PCM1: variants seen among roughly 807,000 people sequenced by gnomAD.
The protein encoded by PCM1 is pericentriolar material 1, also known as pericentriolar material 1 protein.
Under a neutral mutation model 241.9 loss-of-function variants are expected in PCM1, and 157 were observed. The ratio of observed to expected loss-of-function variants is 0.65; its 90% CI spans 0.57 to 0.74. The LOEUF (loss-of-function observed/expected upper bound fraction) is 0.74. Ranked by LOEUF, PCM1 falls within the 30% of genes least tolerant of loss-of-function variation. PCM1 has a pLI of 0.00. For missense variants in PCM1, 3,478 were observed against 2,360.1 expected (o/e 1.47, Z -9.81); for synonymous variants, 1,085 against 784.9 (o/e 1.38, Z -6.39).
intron 7 of PCM1, among the ~76,000 whole-genome samples, chr8:17,948,293 T>C (rs2064603466): frequency 9.4e-6 from 1 of 106,602 alleles, no homozygotes. Context: ...TCAAATAACC[T>C]CTTTTTTTTT....
In PCM1 at chr8:17,966,331, C is replaced by G. The variant is rs540061861; in HGVS notation, c.3079C>G (p.Leu1027Val). The change falls in exon 20 of 39, where the codon CTA becomes GTA. Residue 1027 changes from leucine (L) to valine (V), a missense_variant. By Grantham distance (32) the Leu-to-Val change is conservative. Transcript: ENST00000325083. ...CQTLMQDQQT[L>V]SCLLQTLLTG... ...AACAAACATTTTCTTTCAATAGACT[C>G]TATCTTGTCTGCTACAAACTCTTCT... The G allele has an allele frequency of 7.4e-6, 12 of 1,613,578 alleles. No individual in the cohort carries two copies. Among genetic ancestry groups the G allele is most frequent in the Admixed American group, 3.3e-5 (2 of 59,996 alleles).
chr8:17,939,661 C>A, intron 5 of PCM1, 30 bp from the exon 6 acceptor site: 2 of 1,396,460 alleles, frequency 1.4e-6, no homozygotes, highest in Non-Finnish European at 1.9e-6. Context: ...TACTTTCATG[C>A]TTTTTTTAAA....
intron 2 of PCM1, chr8:17,925,086 G>C (rs909302287): frequency 2.0e-5 from 3 of 152,130 alleles, no homozygotes; most frequent in African/African-American, 4.8e-5. Flanking sequence ...TCCTATAACT[G>C]GATAGCCTCT....
intron 21 of PCM1, among the ~76,000 whole-genome samples, chr8:17,968,150 T>A (rs147123467): frequency 9.2e-4 from 140 of 152,270 alleles, no homozygotes; most frequent in Non-Finnish European, 1.5e-3. Flanking sequence ...ATAGAACCAC[T>A]TAGAGTTATA....
intron 21 of PCM1, among the ~76,000 whole-genome samples, chr8:17,969,206 A>G (rs145688523): frequency 6.6e-6 from 1 of 152,258 alleles, no homozygotes; most frequent in Admixed American, 6.5e-5. Context: ...TTCTAACCGT[A>G]TTTGCTCACT....
At chr8:17,957,490 T>G (rs749279128) in intron 12 of PCM1, 50 bp from the exon 13 acceptor site, 1 of 1,604,712 alleles carries the variant, frequency 6.2e-7, no homozygotes, top group Admixed American at 1.7e-5. Context: ...CGTTCATGTG[T>G]GCTCTTTCCT....
At chr8:18,014,366 TCAGGTGGA>T (rs1400812978) in intron 35 of PCM1, among the ~76,000 whole-genome samples, 105 of 147,454 alleles carry the variant, frequency 7.1e-4, no homozygotes, top group Non-Finnish European at 1.4e-3. Flanking sequence ...TTTTTAGAAA[TCAGGTGGA>T]TTTCAGGAAT....
At position 17,960,463 on chromosome 8, in the gene PCM1, T is replaced by G; in HGVS notation, c.2322+19T>G. The G allele has an allele frequency of 6.4e-7, 1 of 1,566,260 alleles. No homozygotes were observed. The highest frequency in any genetic ancestry group is 1.2e-5 in the South Asian group (1 of 83,394). ...CTTACAGGTAATTATGAAATTTATTTCTAATTGTCTGAAAAAAGATGTTTA... is the reference window on the plus strand; with the variant it reads ...CTTACAGGTAATTATGAAATTTATTGCTAATTGTCTGAAAAAAGATGTTTA... On this transcript the variant is annotated intron_variant, in intron 15 of 38. Transcript: ENST00000325083.
intron 23 of PCM1, among the ~76,000 whole-genome samples, chr8:17,977,192 T>C (rs2079069866): frequency 1.3e-5 from 2 of 152,200 alleles, no homozygotes; most frequent in Non-Finnish European, 2.9e-5. Flanking sequence ...GTCATGTCAT[T>C]TTACATATTG....
rs1350854516 is a variant in PCM1, at chr8:17,980,417, A to G, written c.3944-174A>G. On this transcript the variant is annotated intron_variant, in intron 23 of 38. Coordinates refer to ENST00000325083, the MANE Select transcript of PCM1 (RefSeq NM_006197.4). ...TTTATTACTGTTAGCTCATGCTTCC[A>G]AAGGGTATTGCAAAGATACCTCCAA... The G allele has an allele frequency of 6.6e-6, 3 of 456,204 alleles. No individual in the cohort carries two copies. In the East Asian group the frequency reaches 9.8e-5, roughly 15 times the overall value. The allele number at this position is 456,204 out of a possible 1,614,324, so 28.3% of individuals were successfully genotyped here. A position where few individuals can be genotyped will look rare whatever the true frequency, so the allele number is the denominator to read the frequency against.
chr8:17,982,639 T>G (rs1441051105), intron 24 of PCM1: 1 of 152,116 alleles, frequency 6.6e-6, no homozygotes, highest in East Asian at 1.9e-4. Context: ...GGACTACAGG[T>G]GCGTGCCACC....
chr8:17,946,774 C>G (rs1355639312), intron 6 of PCM1, among the ~76,000 whole-genome samples: 1 of 151,614 alleles, frequency 6.6e-6, no homozygotes, highest in East Asian at 1.9e-4. Context: ...GATTACAAGA[C>G]TTTCAGGTCA....
chr8:18,000,429 C>G (rs191612707), intron 29 of PCM1, among the ~76,000 whole-genome samples: 2,603 of 152,028 alleles, frequency 0.017, 43 homozygotes, highest in South Asian at 0.045. Flanking sequence ...GCAGTGAGAT[C>G]AGAAGAGAAA....
chr8:17,955,905 T>A (rs1203193592), intron 10 of PCM1: 4 of 491,846 alleles, frequency 8.1e-6, no homozygotes, highest in Non-Finnish European at 1.5e-5. Flanking sequence ...AAAATAAGAT[T>A]ACAGTTAAAA....
At chr8:17,990,058 A>G in intron 27 of PCM1, 79 bp downstream of exon 27, 1 of 1,218,276 alleles carries the variant, frequency 8.2e-7, no homozygotes, top group Non-Finnish European at 1.1e-6. Context: ...TGATAAGGAA[A>G]CAAGTCTAGA....
At chr8:17,964,192 A>T (rs937914525) in intron 17 of PCM1, among the ~76,000 whole-genome samples, 1 of 152,166 alleles carries the variant, frequency 6.6e-6, no homozygotes, top group African/African-American at 2.4e-5. Context: ...AGCCATGTGT[A>T]CCTAGTGTCT....
At chr8:17,995,815 T>C (rs1228204898) in intron 29 of PCM1, among the ~76,000 whole-genome samples, 1 of 152,064 alleles carries the variant, frequency 6.6e-6, no homozygotes, top group Admixed American at 6.6e-5. Flanking sequence ...ATTTTATTTG[T>C]GTCTGTTGTA....
intron 22 of PCM1, 58 bp from the exon 23 acceptor site, chr8:17,972,271 T>C (rs2077112567): frequency 4.2e-6 from 4 of 953,574 alleles, no homozygotes; most frequent in East Asian, 2.7e-5. Context: ...ATTCAGTGTA[T>C]TTGGAGTTTT....
intron 26 of PCM1, 65 bp from the exon 27 acceptor site, chr8:17,989,792 CTG>C (rs2083886452): frequency 9.1e-7 from 1 of 1,097,784 alleles, no homozygotes; most frequent in African/African-American, 1.6e-5. Flanking sequence ...TTAGTTATCT[CTG>C]TTAGATTATT....
Sources: gnomAD v4.1 joint callset for allele counts (sites outside exome capture counted in the v4.1 genomes callset) on GRCh38, gnomAD v4.1.1 for gene constraint, MANE v1.5 for transcripts, NCBI Gene and HGNC (gene_info 2026-07-23, HGNC 2026-07-21) for gene names.